Variants in KCNB2 observed in about 807,000 individuals in gnomAD.
KCNB2 encodes the protein potassium voltage-gated channel subfamily B member 2, also known as delayed rectifier potassium channel protein.
A neutral mutation model predicts 61.5 loss-of-function variants in KCNB2; 15 were observed. The observed-to-expected ratio is 0.24, with a 90% CI of 0.16 to 0.38. KCNB2 has a LOEUF of 0.38. Among genes scored for constraint, KCNB2 ranks in the 10% least tolerant of loss-of-function variants. The pLI is 1.00. For missense variants in KCNB2, 828 were observed against 1,125.2 expected, an observed-to-expected ratio of 0.74 and a Z score of 3.78; for synonymous variants, 457 against 446.0, an observed-to-expected ratio of 1.02 and a Z score of -0.31.
At chr8:72,620,751 G>GATAT (rs1805702173) in intron 2 of KCNB2, among the ~76,000 whole-genome samples, 1 of 152,128 alleles carries the variant, frequency 6.6e-6, no homozygotes, top group Non-Finnish European at 1.5e-5. Flanking sequence ...TGAGATTACA[G>GATAT]GTGCCTGCTA....
intron 2 of KCNB2, among the ~76,000 whole-genome samples, chr8:72,718,191 T>A (rs910392690): frequency 2.2e-4 from 34 of 152,174 alleles, no homozygotes; most frequent in African/African-American, 7.7e-4. Context: ...TGTGGAGAAA[T>A]AGGAACACTT....
At position 72,764,085 on chromosome 8, in the gene KCNB2, T is replaced by C. The variant is rs1441037653; in HGVS notation, c.580-171850T>C. 2.0e-5 allele frequency among the ~76,000 whole-genome samples: 3 copies of C among 151,888 alleles called. No homozygotes were observed. The East Asian group carries it at 5.8e-4, about 29-fold the overall frequency. On this transcript the variant is annotated intron_variant, in intron 2 of 2. Coordinates refer to ENST00000523207, the MANE Select transcript of KCNB2 (RefSeq NM_004770.3). ...CAGTAACCAACAACCACTGAGATCC[T>C]GGAATATGATTTCAGGGGTGAAAGT... is the stretch of plus-strand genomic sequence containing the variant.
chr8:72,929,451 T>C (rs1248471909), intron 2 of KCNB2, among the ~76,000 whole-genome samples: 1 of 152,230 alleles, frequency 6.6e-6, no homozygotes, highest in African/African-American at 2.4e-5. Context: ...AAAAAGGTTG[T>C]ATCCAGAAAG....
At chr8:72,843,577 CTT>C (rs1809933603) in intron 2 of KCNB2, among the ~76,000 whole-genome samples, 1 of 152,186 alleles carries the variant, frequency 6.6e-6, no homozygotes, top group African/African-American at 2.4e-5. Flanking sequence ...GTCTAAGTCT[CTT>C]TGTAGGTCTC....
At chr8:72,925,046 C>T (rs1393077809) in intron 2 of KCNB2, among the ~76,000 whole-genome samples, 2 of 152,154 alleles carry the variant, frequency 1.3e-5, no homozygotes, top group African/African-American at 2.4e-5. Flanking sequence ...ATGATGCTGA[C>T]CCCAAAAGTA....
chr8:72,740,445 C>A (rs1016561441), intron 2 of KCNB2, among the ~76,000 whole-genome samples: 5 of 152,110 alleles, frequency 3.3e-5, no homozygotes, highest in Admixed American at 6.5e-5. Flanking sequence ...CCACTGTCCC[C>A]TACTAAAAAG....
intron 2 of KCNB2, among the ~76,000 whole-genome samples, chr8:72,894,483 A>G (rs1400866387): frequency 6.6e-6 from 1 of 152,232 alleles, no homozygotes; most frequent in Non-Finnish European, 1.5e-5. Context: ...AGTTTAAGTT[A>G]GAATCATAAC....
chr8:72,665,240 C>T (rs192382383), intron 2 of KCNB2, among the ~76,000 whole-genome samples: 2 of 152,188 alleles, frequency 1.3e-5, no homozygotes, highest in East Asian at 3.9e-4. Context: ...ACAAGAGGAC[C>T]ACGGTCTTTG....
chr8:72,662,892 AT>A (rs1242915837), intron 2 of KCNB2, among the ~76,000 whole-genome samples: 30 of 152,304 alleles, frequency 2.0e-4, no homozygotes, highest in African/African-American at 7.2e-4. Context: ...GGAAAGCATG[AT>A]TTTCAGACTC....
chr8:72,665,383 G>A (rs574595755), intron 2 of KCNB2, among the ~76,000 whole-genome samples: 1 of 152,232 alleles, frequency 6.6e-6, no homozygotes, highest in South Asian at 2.1e-4. Context: ...AAACTGCTGG[G>A]GAAGTCGGAT....
intron 1 of KCNB2, among the ~76,000 whole-genome samples, chr8:72,540,036 A>ACAAATGTGCAAGTCTG (rs1806167787): frequency 6.6e-6 from 1 of 152,218 alleles, no homozygotes; most frequent in Admixed American, 6.5e-5. Context: ...CTGCATGTCT[A>ACAAATGTGCAAGTCTG]CAAATGTGCA....
rs1294930392 is a variant in KCNB2 at position 72,601,050 on chromosome 8, T to C, written c.579+32737T>C. On this transcript the variant is annotated intron_variant, in intron 2 of 2. Coordinates refer to ENST00000523207, the MANE Select transcript of KCNB2 (RefSeq NM_004770.3). ...TAAGTTCTACTCACAACCATTTCTG[T>C]ATTTTGGTCTTAAGACTGTATTGCT... Among the ~76,000 whole-genome samples, 3 of 152,070 alleles carry C rather than the reference T, an allele frequency of 2.0e-5. No individual in the cohort carries two copies. In the South Asian group the frequency reaches 6.2e-4, roughly 32 times the overall value.
chr8:72,786,259 C>T (rs1320773429), intron 2 of KCNB2, among the ~76,000 whole-genome samples: 1 of 152,102 alleles, frequency 6.6e-6, no homozygotes, highest in African/African-American at 2.4e-5. Flanking sequence ...ACATTTTGCT[C>T]ATGAATACCC....
At chr8:72,848,245 A>G (rs1007629145) in intron 2 of KCNB2, among the ~76,000 whole-genome samples, 18 of 152,288 alleles carry the variant, frequency 1.2e-4, no homozygotes, top group African/African-American at 4.1e-4. Context: ...TGTTTTCCAG[A>G]TATGAAAGGG....
intron 1 of KCNB2, among the ~76,000 whole-genome samples, chr8:72,562,659 C>A (rs577503372): frequency 1.3e-5 from 2 of 152,220 alleles, no homozygotes; most frequent in Admixed American, 6.5e-5. Context: ...TTTATACTGA[C>A]AATTTATGTT....
rs1172254677 is a variant in KCNB2 at position 72,561,691 on chromosome 8, TTATATA to T, written c.-93-5919_-93-5914del. ...GCTGAAAATTTCCAGGATCTTACTT[TTATATA>T]TATATATATATATATATATATATAT... On this transcript the variant is annotated intron_variant, in intron 1 of 2. Coordinates refer to ENST00000523207, the MANE Select transcript of KCNB2 (RefSeq NM_004770.3). Among the ~76,000 whole-genome samples, 24 of 19,404 alleles carry T rather than the reference TTATATA, an allele frequency of 1.2e-3. 1 individual carries two copies. Among genetic ancestry groups the T allele is most frequent in the Admixed American group, 1.8e-3 (2 of 1,138 alleles). The allele number at this position is 19,404 out of a possible 152,430, so 12.7% of individuals were successfully genotyped here. A position where few individuals can be genotyped will look rare whatever the true frequency, so the allele number is the denominator to read the frequency against.
chr8:72,631,478 G>C lies in KCNB2; in HGVS notation c.579+63165G>C, dbSNP rs1197045391. ...TGGTGTTCTTGCTGTTTGCATCTCT[G>C]TGTCCAAGTTTCCCCTTTTTTATAA... On this transcript the variant is annotated intron_variant, in intron 2 of 2. Transcript: ENST00000523207. Among the ~76,000 whole-genome samples, 3 of 152,128 alleles carry C rather than the reference G, an allele frequency of 2.0e-5. No individual in the cohort carries two copies. The East Asian group carries it at 5.8e-4, about 29-fold the overall frequency.
At chr8:72,574,593 T>C (rs2128979656) in intron 2 of KCNB2, among the ~76,000 whole-genome samples, 1 of 152,308 alleles carries the variant, frequency 6.6e-6, no homozygotes, top group South Asian at 2.1e-4. Context: ...TTCCAAGCAG[T>C]TTTTCCATCT....
At chr8:72,592,450 A>ATT (rs1554578050) in intron 2 of KCNB2, among the ~76,000 whole-genome samples, 2 of 102,830 alleles carry the variant, frequency 1.9e-5, no homozygotes, top group African/African-American at 6.4e-5. Context: ...AGAATTATCA[A>ATT]CTCTGTGTGT....
Sources: gnomAD v4.1 joint callset for allele counts (sites outside exome capture counted in the v4.1 genomes callset) on GRCh38, gnomAD v4.1.1 for gene constraint, MANE v1.5 for transcripts, NCBI Gene and HGNC (gene_info 2026-07-23, HGNC 2026-07-21) for gene names.